TAFA4: variants seen among roughly 807,000 people sequenced by gnomAD.
The protein encoded by TAFA4 is TAFA chemokine like family member 4, also known as chemokine-like protein TAFA-4.
A neutral mutation model predicts 21.1 loss-of-function variants in TAFA4; 20 were observed. The observed-to-expected ratio is 0.95, with a 90% CI of 0.67 to 1.38. The LOEUF (loss-of-function observed/expected upper bound fraction) is 1.38, where lower values mean the gene tolerates loss of function less well. TAFA4 is among the 40% of genes most tolerant of loss of function. The pLI is 0.00. For synonymous variants in TAFA4, 71 were observed against 67.4 expected, an observed-to-expected ratio of 1.05 and a Z score of -0.26; for missense variants, 211 against 180.9, an observed-to-expected ratio of 1.17 and a Z score of -0.95.
At chr3:68,842,248 A>C (rs935500876) in intron 3 of TAFA4, among the ~76,000 whole-genome samples, 2 of 152,306 alleles carry the variant, frequency 1.3e-5, no homozygotes, top group Admixed American at 1.3e-4. Flanking sequence ...TCTAACTGGT[A>C]GGAGATGGTA....
At chr3:68,862,102 C>T (rs529546333) in intron 3 of TAFA4, among the ~76,000 whole-genome samples, 7 of 152,114 alleles carry the variant, frequency 4.6e-5, no homozygotes, top group South Asian at 4.2e-4. Context: ...GACCACCACA[C>T]GCTTTCCCTG....
chr3:68,773,528 C>T (rs1702996366), intron 3 of TAFA4, among the ~76,000 whole-genome samples: 1 of 152,156 alleles, frequency 6.6e-6, no homozygotes, highest in South Asian at 2.1e-4. Flanking sequence ...CCTCCTCTAC[C>T]CATGCAGACA....
At chr3:68,826,353 C>CATA (rs1164812918) in intron 3 of TAFA4, among the ~76,000 whole-genome samples, 1 of 152,144 alleles carries the variant, frequency 6.6e-6, no homozygotes, top group Non-Finnish European at 1.5e-5. Context: ...GCAGGCAGAT[C>CATA]ATAAGGTCAG....
chr3:68,759,530 T>C (rs918290877), intron 3 of TAFA4, among the ~76,000 whole-genome samples: 1 of 152,174 alleles, frequency 6.6e-6, no homozygotes, highest in Non-Finnish European at 1.5e-5. Context: ...ATAAGCCTGG[T>C]ACCAGAGAGT....
In TAFA4 at chr3:68,814,596, C is replaced by A. The variant is rs1405062490; in HGVS notation, c.131-61578G>T. 4.6e-5 allele frequency among the ~76,000 whole-genome samples: 7 copies of A among 152,190 alleles called. No individual in the cohort carries two copies. The Middle Eastern group carries it at 0.01, about 223-fold the overall frequency. On this transcript the variant is annotated intron_variant, in intron 3 of 5. Transcript: ENST00000295569. ...AAAGAGAATAAAATACCTAGGAATC[C>A]AACTTACAAGGAATGTGAAGGACCT...
chr3:68,803,297 T>C (rs1287746850), intron 3 of TAFA4, among the ~76,000 whole-genome samples: 2 of 152,190 alleles, frequency 1.3e-5, no homozygotes, highest in Non-Finnish European at 2.9e-5. Context: ...TTCTACAGAA[T>C]GGGTTTGAAA....
intron 1 of TAFA4, among the ~76,000 whole-genome samples, chr3:68,897,990 G>T (rs538938653): frequency 1.3e-5 from 2 of 152,332 alleles, no homozygotes; most frequent in South Asian, 2.1e-4. Flanking sequence ...GTTGCAAGGG[G>T]ATGAGACAAA....
At chr3:68,747,390 T>A (rs1702478387) in intron 4 of TAFA4, among the ~76,000 whole-genome samples, 1 of 151,980 alleles carries the variant, frequency 6.6e-6, no homozygotes, top group Non-Finnish European at 1.5e-5. Flanking sequence ...GTGGGTTTTT[T>A]TTTCCCATGC....
intron 3 of TAFA4, among the ~76,000 whole-genome samples, chr3:68,875,136 C>T (rs904701687): frequency 1.3e-5 from 2 of 152,140 alleles, no homozygotes; most frequent in Admixed American, 1.3e-4. Context: ...TGACAACTCT[C>T]CTCAGCCTAA....
intron 1 of TAFA4, among the ~76,000 whole-genome samples, chr3:68,890,005 G>A (rs1383388504): frequency 6.6e-6 from 1 of 152,160 alleles, no homozygotes; most frequent in Non-Finnish European, 1.5e-5. Flanking sequence ...GCATTACAGT[G>A]TTCTATCAAC....
intron 1 of TAFA4, among the ~76,000 whole-genome samples, chr3:68,921,086 C>A (rs2090057076): frequency 6.6e-6 from 1 of 152,064 alleles, no homozygotes; most frequent in South Asian, 2.1e-4. Context: ...AATGTGAAAA[C>A]CTGCCGAGGG....
At chr3:68,865,981 G>T (rs2089410978) in intron 3 of TAFA4, among the ~76,000 whole-genome samples, 1 of 152,204 alleles carries the variant, frequency 6.6e-6, no homozygotes, top group African/African-American at 2.4e-5. Flanking sequence ...AAAAAAGTGA[G>T]ACTGAGGTGG....
chr3:68,869,867 G>A (rs2089463473), intron 3 of TAFA4, among the ~76,000 whole-genome samples: 1 of 151,858 alleles, frequency 6.6e-6, no homozygotes, highest in Non-Finnish European at 1.5e-5. Flanking sequence ...ACAGCAATTA[G>A]ACAAGAGAAA....
chr3:68,921,171 G>C (rs1238213347), intron 1 of TAFA4, among the ~76,000 whole-genome samples: 1 of 152,116 alleles, frequency 6.6e-6, no homozygotes, highest in African/African-American at 2.4e-5. Flanking sequence ...CTGCCCGCAA[G>C]AGGGGATCAC....
intron 1 of TAFA4, among the ~76,000 whole-genome samples, chr3:68,931,417 G>C (rs1260264930): frequency 6.6e-6 from 1 of 152,140 alleles, no homozygotes; most frequent in Non-Finnish European, 1.5e-5. Flanking sequence ...AAATGATGCT[G>C]ATTCGAGAAG....
chr3:68,827,977 A>G (rs1291182529), intron 3 of TAFA4, among the ~76,000 whole-genome samples: 2 of 152,052 alleles, frequency 1.3e-5, no homozygotes, highest in Non-Finnish European at 2.9e-5. Context: ...CCTGAATGGT[A>G]TTTCCTAGGT....
At chr3:68,892,447 G>T (rs1029291520) in intron 1 of TAFA4, among the ~76,000 whole-genome samples, 1 of 152,120 alleles carries the variant, frequency 6.6e-6, no homozygotes, top group African/African-American at 2.4e-5. Context: ...GTTTGAGGGG[G>T]GTGGATGATG....
intron 4 of TAFA4, among the ~76,000 whole-genome samples, chr3:68,748,053 C>A (rs1170522216): frequency 6.6e-6 from 1 of 152,158 alleles, no homozygotes; most frequent in Non-Finnish European, 1.5e-5. Context: ...CATCCCTGAC[C>A]ACCTCTCTGT....
At chr3:68,904,363 C>T (rs916308372) in intron 1 of TAFA4, among the ~76,000 whole-genome samples, 2 of 152,162 alleles carry the variant, frequency 1.3e-5, no homozygotes, top group African/African-American at 4.8e-5. Flanking sequence ...GCTCAGTAAA[C>T]AGCTGTGAGA....
Sources: allele counts gnomAD v4.1 joint callset (sites outside exome capture counted in the v4.1 genomes callset), GRCh38; gene constraint gnomAD v4.1.1; transcripts MANE v1.5; gene names NCBI Gene and HGNC (gene_info 2026-07-23, HGNC 2026-07-21).